Variants in MRPL48 observed in about 807,000 individuals in gnomAD.
MRPL48 encodes mitochondrial ribosomal protein L48, also known as large ribosomal subunit protein mL48.
In MRPL48, 16 loss-of-function variants were observed where a neutral mutation model predicts 32.9. The observed-to-expected ratio is 0.49, with a 90% confidence interval of 0.33 to 0.74. The LOEUF (loss-of-function observed/expected upper bound fraction) is 0.74, where lower values mean the gene tolerates loss of function less well. Ranked by LOEUF, MRPL48 falls within the 30% of genes least tolerant of loss-of-function variation. MRPL48 has a pLI of 0.02. For synonymous variants in MRPL48, 94 were observed against 89.2 expected (o/e 1.05, Z -0.31); for missense variants, 206 against 245.3 (o/e 0.84, Z 1.07).
At chr11:73,788,118 C>T (rs1947076565) in intron 1 of MRPL48, 126 bp downstream of exon 1, 9 of 1,389,416 alleles carry the variant, frequency 6.5e-6, no homozygotes, top group Non-Finnish European at 8.8e-6. Flanking sequence ...CACTGGGGCG[C>T]CCAAGGTCCT....
At chr11:73,836,488 C>T (rs770862378) in intron 4 of MRPL48, among the ~76,000 whole-genome samples, 4 of 152,262 alleles carry the variant, frequency 2.6e-5, no homozygotes, top group Admixed American at 1.3e-4. Flanking sequence ...CATGAGCCAC[C>T]GTGCCCTTCC....
intron 5 of MRPL48, among the ~76,000 whole-genome samples, chr11:73,859,390 G>A (rs939022088): frequency 2.0e-5 from 3 of 150,766 alleles, no homozygotes; most frequent in African/African-American, 7.3e-5. Flanking sequence ...CAAACAATCT[G>A]CCCACCTCAG....
chr11:73,789,787 A>G (rs939613047), intron 1 of MRPL48, among the ~76,000 whole-genome samples: 8 of 152,236 alleles, frequency 5.3e-5, no homozygotes, highest in African/African-American at 1.9e-4. Context: ...TCACAATATC[A>G]CGAGATAATC....
chr11:73,848,709 G>T lies in MRPL48; in HGVS notation c.371+3733G>T, dbSNP rs987488834. Among the ~76,000 whole-genome samples, 7 of 152,096 alleles carry T rather than the reference G, an allele frequency of 4.6e-5. No homozygotes were observed. In the East Asian group the frequency reaches 7.7e-4, roughly 17 times the overall value. ...ATTTACTCCCTACCTACCTGCTCCAGTCTGGGCTCTTTACATATCTTATCT... is the reference window on the plus strand; with the variant it reads ...ATTTACTCCCTACCTACCTGCTCCATTCTGGGCTCTTTACATATCTTATCT... On this transcript the variant is annotated intron_variant, in intron 5 of 7. Transcript: ENST00000310614.
chr11:73,826,571 C>T (rs1486439092), intron 4 of MRPL48, among the ~76,000 whole-genome samples: 6 of 151,832 alleles, frequency 4.0e-5, no homozygotes, highest in African/African-American at 1.2e-4. Context: ...CTTTGGCTCC[C>T]GGGTTCAAGC....
intron 3 of MRPL48, among the ~76,000 whole-genome samples, chr11:73,822,748 C>A (rs1947805882): frequency 6.6e-6 from 1 of 152,098 alleles, no homozygotes; most frequent in African/African-American, 2.4e-5. Context: ...TGGTCTGTGA[C>A]CTGTTAGGAA....
chr11:73,810,378 G>A (rs1025907459), intron 3 of MRPL48, among the ~76,000 whole-genome samples: 8 of 152,076 alleles, frequency 5.3e-5, no homozygotes, highest in South Asian at 4.2e-4. Context: ...AAAATTAGCC[G>A]GGCATGGTGG....
At chr11:73,840,312 G>A (rs894841790) in intron 4 of MRPL48, among the ~76,000 whole-genome samples, 1 of 152,078 alleles carries the variant, frequency 6.6e-6, no homozygotes, top group Non-Finnish European at 1.5e-5. Flanking sequence ...GTGCAACGTG[G>A]AAAAACCTTG....
chr11:73,821,930 G>A (rs1057293188), intron 3 of MRPL48, among the ~76,000 whole-genome samples: 1 of 152,092 alleles, frequency 6.6e-6, no homozygotes, highest in African/African-American at 2.4e-5. Flanking sequence ...ATCATACTTT[G>A]GAGAGTTCAG....
chr11:73,803,867 C>T (rs1947399655), intron 1 of MRPL48, among the ~76,000 whole-genome samples: 1 of 151,956 alleles, frequency 6.6e-6, no homozygotes, highest in African/African-American at 2.4e-5. Flanking sequence ...TTTTTTTGTT[C>T]TTACCTCCAT....
intron 5 of MRPL48, among the ~76,000 whole-genome samples, chr11:73,851,979 G>A (rs1257199820): frequency 6.6e-6 from 1 of 151,674 alleles, no homozygotes; most frequent in Admixed American, 6.6e-5. Context: ...CATACATACC[G>A]AGAGACATAA....
chr11:73,811,733 G>A (rs1808585259), intron 3 of MRPL48, among the ~76,000 whole-genome samples: 1 of 152,040 alleles, frequency 6.6e-6, no homozygotes, highest in African/African-American at 2.4e-5. Context: ...TTAGGTTGGT[G>A]CAAAAGTAAA....
At chr11:73,857,440 T>C (rs1054904962) in intron 5 of MRPL48, among the ~76,000 whole-genome samples, 4 of 150,858 alleles carry the variant, frequency 2.7e-5, no homozygotes, top group African/African-American at 9.7e-5. Context: ...CCGACTTTTT[T>C]CTTCCTTTTT....
intron 1 of MRPL48, among the ~76,000 whole-genome samples, chr11:73,801,560 G>T (rs1330662310): frequency 1.3e-5 from 2 of 152,084 alleles, no homozygotes; most frequent in Non-Finnish European, 2.9e-5. Context: ...CAATCTTCAT[G>T]GTTTTACATC....
At chr11:73,849,929 C>G (rs899615934) in intron 5 of MRPL48, among the ~76,000 whole-genome samples, 1 of 152,056 alleles carries the variant, frequency 6.6e-6, no homozygotes, top group Non-Finnish European at 1.5e-5. Context: ...GAAATCCTGT[C>G]TCTACATAAA....
At chr11:73,862,506 G>A (rs1948600079) in intron 6 of MRPL48, among the ~76,000 whole-genome samples, 1 of 152,196 alleles carries the variant, frequency 6.6e-6, no homozygotes. Flanking sequence ...GGCTGAGGCA[G>A]GAGAATTGCT....
intron 1 of MRPL48, among the ~76,000 whole-genome samples, chr11:73,788,932 G>T (rs186291165): frequency 1.4e-3 from 209 of 152,192 alleles, no homozygotes; most frequent in African/African-American, 4.8e-3. Context: ...TTAGATTAAT[G>T]ACTCATTTTA....
chr11:73,823,516 A>G (rs935144770), intron 3 of MRPL48, among the ~76,000 whole-genome samples: 6 of 152,260 alleles, frequency 3.9e-5, no homozygotes, highest in South Asian at 4.1e-4. Flanking sequence ...TGGGACTTCT[A>G]TTTAAACTCA....
intron 4 of MRPL48, among the ~76,000 whole-genome samples, chr11:73,836,349 C>A (rs541970485): frequency 2.6e-5 from 4 of 152,222 alleles, no homozygotes; most frequent in Admixed American, 2.6e-4. Context: ...TCACTCACCA[C>A]CACATGCCCA....
Sources: gnomAD v4.1 joint callset for allele counts (sites outside exome capture counted in the v4.1 genomes callset) on GRCh38, gnomAD v4.1.1 for gene constraint, MANE v1.5 for transcripts, NCBI Gene and HGNC (gene_info 2026-07-23, HGNC 2026-07-21) for gene names.